CLDN14: variants seen among roughly 807,000 people sequenced by gnomAD.
CLDN14 encodes the protein claudin-14.
Under a neutral mutation model 2.1 loss-of-function variants are expected in CLDN14, and 2 were observed. The ratio of observed to expected loss-of-function variants is 0.96; its 90% CI spans 0.39 to 3.01. The LOEUF (loss-of-function observed/expected upper bound fraction) is 3.01. Ranked by LOEUF, CLDN14 falls within the 30% of genes most tolerant of loss-of-function variation. The probability of loss-of-function intolerance (pLI) is 0.09; values close to 1 mark genes in which losing one functional copy is unlikely to be tolerated. For missense variants in CLDN14, 298 were observed against 328.0 expected, an observed-to-expected ratio of 0.91 and a Z score of 0.71; for synonymous variants, 136 against 154.4, an observed-to-expected ratio of 0.88 and a Z score of 0.88.
intron 1 of CLDN14, among the ~76,000 whole-genome samples, chr21:36,467,113 G>A (rs892593325): frequency 2.6e-5 from 4 of 152,188 alleles, no homozygotes; most frequent in African/African-American, 9.7e-5. Context: ...TCTGGTTTCA[G>A]GATCACCAGC....
intron 1 of CLDN14, among the ~76,000 whole-genome samples, chr21:36,570,238 A>G (rs2087699995): frequency 6.6e-6 from 1 of 152,244 alleles, no homozygotes; most frequent in African/African-American, 2.4e-5. Flanking sequence ...GTGGAGACCA[A>G]AGTTTGTCAT....
intron 1 of CLDN14, among the ~76,000 whole-genome samples, chr21:36,563,408 GA>G (rs560095964): frequency 4.4e-4 from 63 of 144,394 alleles, no homozygotes; most frequent in Admixed American, 1.2e-3. Context: ...ACATGTTGGA[GA>G]AAAAAAAAAA....
At chr21:36,469,286 A>G (rs1247984352) in intron 1 of CLDN14, among the ~76,000 whole-genome samples, 1 of 149,796 alleles carries the variant, frequency 6.7e-6, no homozygotes, top group Non-Finnish European at 1.5e-5. Flanking sequence ...GGCTCTAAAA[A>G]TAATATTTTC....
intron 1 of CLDN14, among the ~76,000 whole-genome samples, chr21:36,514,544 A>G (rs932545709): frequency 4.6e-5 from 7 of 152,088 alleles, no homozygotes; most frequent in African/African-American, 1.7e-4. Flanking sequence ...AATATCTTAA[A>G]CTGGGATAAT....
chr21:36,561,663 T>C (rs770588078), intron 1 of CLDN14, among the ~76,000 whole-genome samples: 2 of 152,184 alleles, frequency 1.3e-5, no homozygotes, highest in African/African-American at 2.4e-5. Flanking sequence ...GTAGAAAGCA[T>C]GATGTGAACC....
intron 2 of CLDN14, among the ~76,000 whole-genome samples, chr21:36,489,129 A>ATATATATATATAT (rs56120701): frequency 1.3e-5 from 1 of 79,046 alleles, no homozygotes; most frequent in African/African-American, 4.2e-5. Flanking sequence ...AAAAAAAAAA[A>ATATATATATATAT]AAATATATAT....
intron 1 of CLDN14, among the ~76,000 whole-genome samples, chr21:36,566,514 C>T (rs2087673969): frequency 6.6e-6 from 1 of 152,198 alleles, no homozygotes. Flanking sequence ...GAACTGGACC[C>T]ATGCAATGAC....
chr21:36,482,414 A>G (rs564138438), upstream of CLDN14, among the ~76,000 whole-genome samples: 54 of 44,908 alleles, frequency 1.2e-3, 2 homozygotes, highest in South Asian at 0.035. Flanking sequence ...GGATAGACGG[A>G]TGGATGGATG....
At chr21:36,565,447 G>A (rs1055161943) in intron 1 of CLDN14, among the ~76,000 whole-genome samples, 2 of 151,012 alleles carry the variant, frequency 1.3e-5, no homozygotes, top group Non-Finnish European at 1.5e-5. Flanking sequence ...ATGCAACTCT[G>A]CCTTGTTGGA....
intron 1 of CLDN14, among the ~76,000 whole-genome samples, chr21:36,555,500 A>G (rs438706): frequency 0.56 from 85,007 of 152,120 alleles, 25,684 homozygotes; most frequent in Middle Eastern, 0.7. Context: ...CTCAACGTTC[A>G]AATGTTTCCA....
chr21:36,473,292 G>A (rs1885425464), intron 1 of CLDN14, among the ~76,000 whole-genome samples: 1 of 152,194 alleles, frequency 6.6e-6, no homozygotes, highest in African/African-American at 2.4e-5. Flanking sequence ...CCACTATGTT[G>A]CCCAGCCTGG....
chr21:36,543,111 G>A (rs1670612467), intron 1 of CLDN14, among the ~76,000 whole-genome samples: 3 of 152,192 alleles, frequency 2.0e-5, no homozygotes, highest in Admixed American at 1.3e-4. Flanking sequence ...ACCCTACACC[G>A]CAAGTAGGTG....
intron 1 of CLDN14, among the ~76,000 whole-genome samples, chr21:36,571,361 A>G (rs2087709067): frequency 6.6e-6 from 1 of 152,230 alleles, no homozygotes; most frequent in African/African-American, 2.4e-5. Context: ...AGGTTGTGCA[A>G]TGAAGGTGCT....
At chr21:36,484,484 C>T (rs1325523468), upstream of CLDN14, among the ~76,000 whole-genome samples, 3 of 152,120 alleles carry the variant, frequency 2.0e-5, no homozygotes, top group Non-Finnish European at 4.4e-5. Context: ...AGTCCAAAAC[C>T]AAGACGCTAG....
chr21:36,514,526 T>C (rs2087210112), intron 1 of CLDN14, among the ~76,000 whole-genome samples: 1 of 152,194 alleles, frequency 6.6e-6, no homozygotes, highest in African/African-American at 2.4e-5. Flanking sequence ...AAACTGGTAT[T>C]GATTTAAAAT....
At position 36,469,764 on chromosome 21, in the gene CLDN14, C is replaced by T. The variant is rs183097826; in HGVS notation, c.-81-7988G>A. Among the ~76,000 whole-genome samples the T allele has an allele frequency of 3.3e-4, 50 of 152,222 alleles. 1 individual carries two copies. Among genetic ancestry groups the T allele is most frequent in the Admixed American group, 3.1e-3 (48 of 15,276 alleles). On this transcript the variant is annotated intron_variant, in intron 1 of 1. Coordinates refer to ENST00000399135, the MANE Select transcript of CLDN14 (RefSeq NM_001146079.2). ...GTCACCATGACCACAAAAATTAAAA[C>T]CCTTTCTGGAGGCATTATCTCTCTC...
intron 1 of CLDN14, among the ~76,000 whole-genome samples, chr21:36,462,942 CAAAA>C (rs199909665): frequency 1.4e-5 from 1 of 71,788 alleles, no homozygotes; most frequent in East Asian, 2.2e-4. Flanking sequence ...AGCAAACAAA[CAAAA>C]AAAAACACTA....
chr21:36,526,029 CA>C (rs1328641604), intron 1 of CLDN14, among the ~76,000 whole-genome samples: 5 of 152,136 alleles, frequency 3.3e-5, no homozygotes, highest in Non-Finnish European at 7.3e-5. Flanking sequence ...TTCTCCAGCT[CA>C]GAGATATCCC....
chr21:36,561,688 C>G (rs1210066275), intron 1 of CLDN14, among the ~76,000 whole-genome samples: 1 of 152,220 alleles, frequency 6.6e-6, no homozygotes, highest in Non-Finnish European at 1.5e-5. Context: ...GTCTTCTCTA[C>G]TCACTTCAAT....
Sources: allele counts gnomAD v4.1 joint callset (sites outside exome capture counted in the v4.1 genomes callset), GRCh38; gene constraint gnomAD v4.1.1; transcripts MANE v1.5; gene names NCBI Gene and HGNC (gene_info 2026-07-23, HGNC 2026-07-21).